The following NPAS2 variants were observed in gnomAD, a reference collection of about 807,000 sequenced individuals.
The protein encoded by NPAS2 is neuronal PAS domain protein 2.
NPAS2 carries 23 observed loss-of-function variants against 107.5 expected under a neutral mutation model. The observed-to-expected ratio is 0.21, with a 90% CI of 0.15 to 0.30. The LOEUF is 0.30. Among genes scored for constraint, NPAS2 ranks in the 10% least tolerant of loss-of-function variants. The pLI, the probability that NPAS2 is intolerant of heterozygous loss-of-function variation, is 1.00. For missense variants in NPAS2, 756 were observed against 1,043.3 expected, an observed-to-expected ratio of 0.72 and a Z score of 3.79; for synonymous variants, 403 against 417.5, an observed-to-expected ratio of 0.97 and a Z score of 0.42.
At chr2:100,917,547 TA>T (rs1362457679) in intron 2 of NPAS2, among the ~76,000 whole-genome samples, 3 of 151,392 alleles carry the variant, frequency 2.0e-5, no homozygotes, top group African/African-American at 7.3e-5. Flanking sequence ...ATAAAAATAA[TA>T]AAAGTTCAAT....
intron 2 of NPAS2, among the ~76,000 whole-genome samples, chr2:100,909,907 T>C (rs1682434986): frequency 6.6e-6 from 1 of 152,178 alleles, no homozygotes; most frequent in Non-Finnish European, 1.5e-5. Flanking sequence ...ATTCTTCCTG[T>C]AGCCCAGTAA....
chr2:100,988,946 TTCCTCCAGGCGCCCCCTGC>T (rs1297018973), intron 17 of NPAS2: 3 of 126,022 alleles, frequency 2.4e-5, no homozygotes, highest in Non-Finnish European at 2.9e-5. Flanking sequence ...GGCCTCCCTG[TTCCTCCAGGCGCCCCCTGC>T]TCCTCCAGGC....
intron 1 of NPAS2, chr2:100,847,231 TTCTTA>T (rs1383192945): frequency 1.3e-5 from 2 of 152,222 alleles, no homozygotes; most frequent in Non-Finnish European, 2.9e-5. Flanking sequence ...CGTGACTGTC[TTCTTA>T]TCTTGGAATT....
At chr2:100,914,122 C>T (rs1446716298) in intron 2 of NPAS2, among the ~76,000 whole-genome samples, 1 of 152,162 alleles carries the variant, frequency 6.6e-6, no homozygotes, top group African/African-American at 2.4e-5. Context: ...CTCAGAGAAG[C>T]GCCTCCAAGA....
At chr2:100,907,372 C>T (rs1227981121) in intron 2 of NPAS2, among the ~76,000 whole-genome samples, 2 of 151,992 alleles carry the variant, frequency 1.3e-5, no homozygotes. Flanking sequence ...GCACAGAGAC[C>T]TGTGTAGTGA....
rs1434951136 is a variant in NPAS2 at position 100,839,752 on chromosome 2, C to T, written c.-23+19338C>T. On this transcript the variant is annotated intron_variant, in intron 1 of 20. Coordinates refer to ENST00000335681, the MANE Select transcript of NPAS2 (RefSeq NM_002518.4). The stretch of plus-strand genomic sequence containing the variant: ...TATACAGATTATTTTTGTAATCCTT[C>T]GAATTTTTTATGCTTTCATTTTATT... 5.3e-5 allele frequency among the ~76,000 whole-genome samples: 8 copies of T among 152,116 alleles called. No individual in the cohort carries two copies. In the East Asian group the frequency reaches 1.4e-3, roughly 26 times the overall value.
chr2:100,972,865 T>G, intron 12 of NPAS2: 1 of 152,190 alleles, frequency 6.6e-6, no homozygotes, highest in South Asian at 2.1e-4. Context: ...TGTCTTCTCA[T>G]CAAAATGCAT....
intron 1 of NPAS2, among the ~76,000 whole-genome samples, chr2:100,867,320 G>T (rs1679317629): frequency 6.6e-6 from 1 of 152,134 alleles, no homozygotes; most frequent in South Asian, 2.1e-4. Context: ...TTGAGGTATG[G>T]TGCTTTTTGC....
At chr2:100,973,378 C>T (rs1367635457) in intron 12 of NPAS2, among the ~76,000 whole-genome samples, 1 of 152,156 alleles carries the variant, frequency 6.6e-6, no homozygotes, top group Admixed American at 6.5e-5. Flanking sequence ...CATCAAGGTT[C>T]CTCCGGGCTT....
intron 2 of NPAS2, among the ~76,000 whole-genome samples, chr2:100,905,116 C>G (rs1167559151): frequency 2.6e-5 from 4 of 152,278 alleles, no homozygotes; most frequent in African/African-American, 9.6e-5. Context: ...CTTGACAAGT[C>G]AGGCTGACTG....
intron 7 of NPAS2, 101 bp from the exon 8 acceptor site, chr2:100,963,957 C>A: frequency 1.4e-6 from 1 of 720,154 alleles, no homozygotes; most frequent in Admixed American, 2.1e-5. Flanking sequence ...CTACATAAAC[C>A]CTGGGGGCAG....
intron 1 of NPAS2, among the ~76,000 whole-genome samples, chr2:100,887,563 C>T (rs1427501982): frequency 6.6e-6 from 1 of 152,230 alleles, no homozygotes; most frequent in Non-Finnish European, 1.5e-5. Context: ...CCCGTGCAGG[C>T]CCAGCAGCCT....
At chr2:100,819,582 G>A (rs1463175226), upstream of NPAS2, among the ~76,000 whole-genome samples, 1 of 152,180 alleles carries the variant, frequency 6.6e-6, no homozygotes, top group Non-Finnish European at 1.5e-5. This position sits in a 1 kb window ranked among gnomAD's most constrained non-coding sequence, Gnocchi z 5.8. Context: ...CCTGCCCCTG[G>A]AGGACAGTGT....
chr2:100,844,798 A>T (rs144315720), intron 1 of NPAS2, among the ~76,000 whole-genome samples: 2 of 152,326 alleles, frequency 1.3e-5, no homozygotes, highest in Non-Finnish European at 2.9e-5. Flanking sequence ...CCAGAGCAAC[A>T]GTTGACTTTT....
intron 1 of NPAS2, among the ~76,000 whole-genome samples, chr2:100,873,275 C>CATATAT (rs376842348): frequency 5.2e-5 from 4 of 77,208 alleles, no homozygotes; most frequent in Admixed American, 2.5e-4. Flanking sequence ...AAAAAAAATA[C>CATATAT]ATATATATAT....
At chr2:100,867,039 T>C (rs901256984) in intron 1 of NPAS2, among the ~76,000 whole-genome samples, 1 of 152,238 alleles carries the variant, frequency 6.6e-6, no homozygotes, top group Admixed American at 6.5e-5. Context: ...GACAAATAGC[T>C]GAATTTGAAG....
chr2:100,826,333 TC>T (rs1476255520), intron 1 of NPAS2, among the ~76,000 whole-genome samples: 8 of 152,154 alleles, frequency 5.3e-5, no homozygotes, highest in Non-Finnish European at 1.5e-5. Context: ...TCCTGGCTAC[TC>T]AGGAGGCTGA....
At chr2:100,931,873 C>T (rs934484612) in intron 3 of NPAS2, among the ~76,000 whole-genome samples, 2 of 152,148 alleles carry the variant, frequency 1.3e-5, no homozygotes, top group African/African-American at 2.4e-5. Context: ...ATTCCTCATG[C>T]GCCACGTAAG....
At chr2:100,884,691 G>A (rs1680583936) in intron 1 of NPAS2, among the ~76,000 whole-genome samples, 1 of 152,224 alleles carries the variant, frequency 6.6e-6, no homozygotes, top group South Asian at 2.1e-4. Flanking sequence ...TCAGCCTGGG[G>A]TCCTTCTTAC....
Sources: gnomAD v4.1 joint callset for allele counts (sites outside exome capture counted in the v4.1 genomes callset) on GRCh38, gnomAD v4.1.1 for gene constraint, Gnocchi (gnomAD v3.1) non-coding constraint, MANE v1.5 for transcripts, NCBI Gene and HGNC (gene_info 2026-07-23, HGNC 2026-07-21) for gene names.